The following DTNB variants were observed in gnomAD, a reference collection of about 807,000 sequenced individuals.
The protein encoded by DTNB is DTN-B.
In DTNB, 63 loss-of-function variants were observed where a neutral mutation model predicts 90.7. That is an observed-to-expected ratio of 0.69 (90% CI 0.57 to 0.86). The LOEUF is 0.86. Among genes scored for constraint, DTNB ranks in the 40% least tolerant of loss-of-function variants. DTNB has a pLI of 0.00. For synonymous variants in DTNB, 277 were observed against 286.7 expected, an observed-to-expected ratio of 0.97 and a Z score of 0.34; for missense variants, 744 against 807.1, an observed-to-expected ratio of 0.92 and a Z score of 0.95.
Position 25,387,442 on chromosome 2 carries a change from C to A in DTNB, c.1736-64G>T. On this transcript the variant is annotated intron_variant, in intron 17 of 20. Coordinates refer to ENST00000406818, the MANE Select transcript of DTNB (RefSeq NM_021907.5). The surrounding 1 kb of genome is among the most constrained non-coding windows in gnomAD (Gnocchi z 4.5). ...TGAGCGTGGAGAAGAGACGGCTGAG[C>A]AAATGCCTCAGTTCTGCCAGGCCCG... is the stretch of plus-strand genomic sequence containing the variant. 6.7e-7 allele frequency: 1 copy of A among 1,491,800 alleles called. No homozygotes were observed. The allele number at this position is 1,491,800 out of a possible 1,614,324, so 92.4% of individuals were successfully genotyped here.
intron 6 of DTNB, among the ~76,000 whole-genome samples, chr2:25,591,128 G>C (rs936828988): frequency 4.6e-5 from 7 of 152,226 alleles, no homozygotes; most frequent in Admixed American, 1.3e-4. Context: ...GTTGGGAGCA[G>C]GGAGACGCCA....
At chr2:25,443,531 G>A (rs554754370) in intron 12 of DTNB, among the ~76,000 whole-genome samples, 3 of 152,224 alleles carry the variant, frequency 2.0e-5, no homozygotes. Context: ...ACTCCTATCT[G>A]TATGAATGTG....
At chr2:25,418,259 C>T (rs1191100177) in intron 16 of DTNB, among the ~76,000 whole-genome samples, 1 of 152,138 alleles carries the variant, frequency 6.6e-6, no homozygotes, top group Non-Finnish European at 1.5e-5. Context: ...TCCTCCGTAC[C>T]CTCTTCTCAC....
chr2:25,501,047 A>G (rs1401059609), intron 9 of DTNB, among the ~76,000 whole-genome samples: 1 of 152,208 alleles, frequency 6.6e-6, no homozygotes, highest in Non-Finnish European at 1.5e-5. Flanking sequence ...CAGGCCCCTA[A>G]AGGATAAAAC....
intron 12 of DTNB, among the ~76,000 whole-genome samples, chr2:25,450,998 T>C (rs1450414937): frequency 6.6e-6 from 1 of 152,104 alleles, no homozygotes; most frequent in Non-Finnish European, 1.5e-5. Flanking sequence ...AGAGACAGCA[T>C]TTCACTATGC....
At chr2:25,630,760 C>T (rs1050534862) in intron 3 of DTNB, among the ~76,000 whole-genome samples, 1 of 146,088 alleles carries the variant, frequency 6.8e-6, no homozygotes. Context: ...AGGAAAATCG[C>T]TTAAACCTGG....
chr2:25,615,013 T>C (rs2069848273), intron 4 of DTNB, among the ~76,000 whole-genome samples: 1 of 152,204 alleles, frequency 6.6e-6, no homozygotes. Context: ...TAGTAGGCTG[T>C]CACCTATACT....
chr2:25,419,218 A>T, intron 16 of DTNB: 2 of 522,196 alleles, frequency 3.8e-6, no homozygotes, highest in African/African-American at 3.8e-5. Context: ...ACACAACAAC[A>T]GAGAATGAAA....
chr2:25,549,982 T>C (rs566310304), intron 8 of DTNB, among the ~76,000 whole-genome samples: 1 of 152,204 alleles, frequency 6.6e-6, no homozygotes, highest in South Asian at 2.1e-4. Context: ...AAACAGTTTT[T>C]CCAGCAAAGT....
In DTNB at chr2:25,652,548, A is replaced by AG. The variant is rs33949722; in HGVS notation, c.67+45_67+46insC. On this transcript the variant is annotated intron_variant, in intron 2 of 20. Coordinates refer to ENST00000406818, the MANE Select transcript of DTNB (RefSeq NM_021907.5). ...GACTTGATCTAAAAAAAAAAAAAAA[A>AG]CCACACAAACATTCCCGCACATATG... is the stretch of plus-strand genomic sequence containing the variant. The AG allele has an allele frequency of 2.6e-6, 4 of 1,548,640 alleles. No homozygotes were observed. The Admixed American group carries it at 8.5e-5, about 33-fold the overall frequency.
intron 1 of DTNB, among the ~76,000 whole-genome samples, chr2:25,657,500 C>T (rs1250046146): frequency 6.6e-6 from 1 of 152,118 alleles, no homozygotes; most frequent in Non-Finnish European, 1.5e-5. Flanking sequence ...GGGCAGATCA[C>T]TTCAGCCCAG....
chr2:25,626,862 G>A (rs567446594), intron 4 of DTNB, among the ~76,000 whole-genome samples: 3 of 152,332 alleles, frequency 2.0e-5, no homozygotes, highest in East Asian at 1.9e-4. Context: ...ATGGCCAAGA[G>A]TATAGCAGAA....
chr2:25,659,550 A>C (rs1418577896), intron 1 of DTNB, among the ~76,000 whole-genome samples: 3 of 152,194 alleles, frequency 2.0e-5, no homozygotes, highest in African/African-American at 7.2e-5. Context: ...CAATATTACT[A>C]ATGAAAGAGG....
intron 9 of DTNB, among the ~76,000 whole-genome samples, chr2:25,489,257 T>G (rs2066862077): frequency 6.6e-6 from 1 of 152,240 alleles, no homozygotes; most frequent in Admixed American, 6.5e-5. Flanking sequence ...AACTTGTACC[T>G]TTAAAAATGT....
At chr2:25,654,504 G>A (rs183894748) in intron 1 of DTNB, among the ~76,000 whole-genome samples, 4 of 152,286 alleles carry the variant, frequency 2.6e-5, no homozygotes, top group African/African-American at 4.8e-5. Context: ...GACAGACCAC[G>A]TAACGAAATT....
At chr2:25,501,164 A>G (rs1558782683) in intron 9 of DTNB, among the ~76,000 whole-genome samples, 1 of 152,200 alleles carries the variant, frequency 6.6e-6, no homozygotes, top group Non-Finnish European at 1.5e-5. Context: ...CTAAAGATTG[A>G]TGAACATAAA....
chr2:25,432,347 C>A (rs1213841459), intron 14 of DTNB, among the ~76,000 whole-genome samples: 1 of 152,114 alleles, frequency 6.6e-6, no homozygotes, highest in Non-Finnish European at 1.5e-5. Flanking sequence ...ATGGTGGTGA[C>A]GCTGCTCTCT....
At chr2:25,539,079 T>C (rs2080531140) in intron 8 of DTNB, among the ~76,000 whole-genome samples, 2 of 152,228 alleles carry the variant, frequency 1.3e-5, no homozygotes, top group Admixed American at 1.3e-4. Flanking sequence ...GTAATTGCAA[T>C]TCATTCATTT....
chr2:25,659,569 TCAC>T (rs1369510740), intron 1 of DTNB, among the ~76,000 whole-genome samples: 1 of 151,742 alleles, frequency 6.6e-6, no homozygotes, highest in Admixed American at 6.6e-5. Context: ...GGGGAAGTTA[TCAC>T]TACAGAACAC....
Sources: gnomAD v4.1 joint callset for allele counts (sites outside exome capture counted in the v4.1 genomes callset) on GRCh38, gnomAD v4.1.1 for gene constraint, Gnocchi (gnomAD v3.1) non-coding constraint, MANE v1.5 for transcripts, NCBI Gene and HGNC (gene_info 2026-07-23, HGNC 2026-07-21) for gene names.